Variants in M1AP observed in about 807,000 individuals in gnomAD.
M1AP encodes meiosis 1 associated protein, also known as meiosis 1 arrest protein.
In M1AP, 39 loss-of-function variants were observed where a neutral mutation model predicts 51.2. The observed-to-expected ratio is 0.76, with a 90% CI of 0.59 to 1.00. The LOEUF (loss-of-function observed/expected upper bound fraction) is 1.00. Among genes scored for constraint, M1AP ranks in the 50% least tolerant of loss-of-function variants. The pLI is 0.00. For synonymous variants in M1AP, 251 were observed against 249.2 expected (o/e 1.01, Z -0.07); for missense variants, 545 against 641.2 (o/e 0.85, Z 1.62).
At chr2:74,628,383 G>A (rs1395277359) in intron 2 of M1AP, 9 of 379,488 alleles carry the variant, frequency 2.4e-5, no homozygotes, top group Non-Finnish European at 3.7e-5. Flanking sequence ...AAGATACGAG[G>A]TAGCCATGTT....
intron 8 of M1AP, among the ~76,000 whole-genome samples, chr2:74,561,232 AAGGAGGAGGAGG>A (rs374729127): frequency 1.8e-4 from 6 of 34,230 alleles, no homozygotes; most frequent in Admixed American, 3.3e-4. Flanking sequence ...GGAGGAGGAG[AAGGAGGAGGAGG>A]AGGAGGAGGA....
At chr2:74,646,626 C>T (rs1683628775) in intron 1 of M1AP, among the ~76,000 whole-genome samples, 2 of 152,064 alleles carry the variant, frequency 1.3e-5, no homozygotes, top group Non-Finnish European at 2.9e-5. Flanking sequence ...CCAAGACACA[C>T]AAAAAATGTT....
chr2:74,587,574 A>G (rs1409289717), intron 4 of M1AP, among the ~76,000 whole-genome samples: 1 of 152,184 alleles, frequency 6.6e-6, no homozygotes, highest in East Asian at 1.9e-4. Flanking sequence ...TTGAACACCA[A>G]CAACTAGTAT....
At position 74,640,041 on chromosome 2, in the gene M1AP, A is replaced by G; in HGVS notation, c.235T>C (p.Phe79Leu). The G allele has an allele frequency of 6.2e-7, 1 of 1,613,794 alleles. No individual in the cohort carries two copies. ...VQDQHECILP[F>L]VQVKGNFARL... is the part of the protein sequence containing the mutation. ...ATAAATATAGATATACTTACCACAAAAGGGAGGATGCACTCATGCTGATCT... is the reference window on the plus strand; with the variant it reads ...ATAAATATAGATATACTTACCACAAGAGGGAGGATGCACTCATGCTGATCT... The change falls in exon 2 of 11, where the codon TTT becomes CTT. Residue 79 changes from phenylalanine (F) to leucine (L), a missense_variant. Coordinates refer to ENST00000421985, the MANE Select transcript of M1AP (RefSeq NM_001321739.2).
At chr2:74,587,654 T>C (rs192143770) in intron 4 of M1AP, among the ~76,000 whole-genome samples, 3 of 152,232 alleles carry the variant, frequency 2.0e-5, no homozygotes, top group East Asian at 3.9e-4. Context: ...TTCTCAGACG[T>C]TGAAAAACAG....
intron 3 of M1AP, among the ~76,000 whole-genome samples, chr2:74,614,448 T>C (rs1243472459): frequency 6.6e-6 from 1 of 152,226 alleles, no homozygotes. Context: ...AACTCACACT[T>C]ACTCATGTAC....
In M1AP at chr2:74,607,071, C is replaced by G. The variant is rs774539753; in HGVS notation, c.579G>C (p.Glu193Asp). 2 of 1,613,728 alleles carry G rather than the reference C, an allele frequency of 1.2e-6. No homozygotes were observed. The highest frequency in any genetic ancestry group is 2.2e-5 in the South Asian group (2 of 91,036). Residue 193 changes from glutamate to aspartate, a missense_variant, in exon 4 of 11, where the codon GAG becomes GAC. By Grantham distance (45) the Glu-to-Asp change is conservative (BLOSUM62 2). Transcript: ENST00000421985. Reference sequence around the variant, plus strand: ...AATTCTTACCATCATTGCTGGTATCCTCAACAGGAGACGCTGAGTCCACGT... The same window carrying G: ...AATTCTTACCATCATTGCTGGTATCGTCAACAGGAGACGCTGAGTCCACGT... Reference protein sequence around the residue: ...LEHVDSASPVEDTSNDESSIL... With the variant: ...LEHVDSASPVDDTSNDESSIL...
rs1410834725 is a variant in M1AP at position 74,640,065 on chromosome 2, C to T, written c.211G>A (p.Asp71Asn). ...AAAGGGAGGATGCACTCATGCTGAT[C>T]TTGTACCATGTATAAACTGAACAGG... ...MSLFSLYMVQ[D>N]QHECILPFVQ... Residue 71 changes from aspartate to asparagine, a missense_variant, in exon 2 of 11, where the codon GAT (aspartate) becomes AAT (asparagine). Physicochemically the swap from Asp to Asn is conservative, Grantham distance 23. Transcript: ENST00000421985. 1 of 1,614,178 alleles carries T rather than the reference C, an allele frequency of 6.2e-7. No individual in the cohort carries two copies. The highest frequency in any genetic ancestry group is 1.1e-5 in the South Asian group (1 of 91,088).
intron 4 of M1AP, among the ~76,000 whole-genome samples, chr2:74,603,348 A>G (rs1353038570): frequency 6.6e-6 from 1 of 152,246 alleles, no homozygotes; most frequent in Non-Finnish European, 1.5e-5. Flanking sequence ...GAGGGAAAAG[A>G]TATCAAGTAG....
intron 7 of M1AP, among the ~76,000 whole-genome samples, chr2:74,566,822 T>TA (rs1274827883): frequency 6.6e-6 from 1 of 152,210 alleles, no homozygotes; most frequent in Non-Finnish European, 1.5e-5. Context: ...CCTGTGTACT[T>TA]AGACTCCTGC....
chr2:74,619,477 A>G (rs538995063), intron 2 of M1AP: 1 of 152,848 alleles, frequency 6.5e-6, no homozygotes, highest in South Asian at 2.1e-4. Flanking sequence ...GCTCTAAAAG[A>G]CTTAAGATCA....
chr2:74,581,694 G>T lies in M1AP; in HGVS notation c.749C>A (p.Ser250Tyr). The T allele has an allele frequency of 6.2e-7, 1 of 1,613,876 alleles. No individual in the cohort carries two copies. The highest frequency in any genetic ancestry group is 2.2e-5 in the East Asian group (1 of 44,872). The part of the protein sequence containing the change: ...LLSSQCFSNI[S>Y]RPRDNPMCLK... ...TGTACTTGGATTATCTCTGGGTCTG[G>T]AAATGTTGCTGAAACACTGTGAAGA... The change falls in exon 5 of 11, where the codon TCC becomes TAC. Residue 250 changes from serine to tyrosine, a missense_variant. Transcript: ENST00000421985.
At chr2:74,611,706 C>A (rs1002130522) in intron 3 of M1AP, among the ~76,000 whole-genome samples, 2 of 151,324 alleles carry the variant, frequency 1.3e-5, no homozygotes, top group African/African-American at 4.9e-5. Context: ...GTGGCGCATG[C>A]CTGTAATCCC....
At chr2:74,648,130 G>A (rs1683713794) in intron 1 of M1AP, 135 bp downstream of exon 1, 3 of 977,246 alleles carry the variant, frequency 3.1e-6, no homozygotes, top group Non-Finnish European at 3.6e-6. Context: ...GTCTTGCGCC[G>A]GCACCCGCCA....
chr2:74,632,562 C>T (rs1422689760), intron 2 of M1AP, among the ~76,000 whole-genome samples: 2 of 152,130 alleles, frequency 1.3e-5, no homozygotes, highest in African/African-American at 4.8e-5. Flanking sequence ...TTGCTAGAGC[C>T]TTTTGTTTGG....
intron 2 of M1AP, among the ~76,000 whole-genome samples, chr2:74,621,425 C>T (rs1184123688): frequency 2.0e-5 from 3 of 152,108 alleles, no homozygotes; most frequent in Non-Finnish European, 2.9e-5. Flanking sequence ...TTATCTGAGA[C>T]GTGGCTACTC....
Position 74,640,139 on chromosome 2 carries a change from T to G in M1AP, c.137A>C (p.Gln46Pro). ...GCTGCAGGCTAGAGAGAAGAAGTTCTGCAGAGCCTCACAGAGGTTGGTGCA... is the reference window on the plus strand; with the variant it reads ...GCTGCAGGCTAGAGAGAAGAAGTTCGGCAGAGCCTCACAGAGGTTGGTGCA... The part of the protein sequence containing the change: ...DICTNLCEAL[Q>P]NFFSLACSLM... Residue 46 changes from glutamine (Q) to proline (P), a missense_variant, in exon 2 of 11, where the codon CAG (glutamine) becomes CCG (proline). By Grantham distance (76) the Gln-to-Pro change is moderately conservative. Coordinates refer to ENST00000421985, the MANE Select transcript of M1AP (RefSeq NM_001321739.2). The G allele has an allele frequency of 6.2e-7, 1 of 1,614,196 alleles. No individual in the cohort carries two copies. Among genetic ancestry groups the G allele is most frequent in the Non-Finnish European group, 8.5e-7 (1 of 1,180,032 alleles).
chr2:74,558,362 T>A lies in M1AP; in HGVS notation c.*354A>T, dbSNP rs1047264831. The A allele has an allele frequency of 4.6e-6, 1 of 216,132 alleles. No individual in the cohort carries two copies. The highest frequency in any genetic ancestry group is 2.4e-5 in the African/African-American group (1 of 42,348). The allele number at this position is 216,132 out of a possible 1,614,324, so 13.4% of individuals were successfully genotyped here. On this transcript the variant is annotated 3_prime_UTR_variant, in exon 11 of 11. Coordinates refer to ENST00000421985, the MANE Select transcript of M1AP (RefSeq NM_001321739.2). The stretch of plus-strand genomic sequence containing the variant: ...CTGAGGTCCAGTTTACCAAAGGTGA[T>A]CTGACCTCATCCACCTGCTTACACA...
intron 4 of M1AP, among the ~76,000 whole-genome samples, chr2:74,584,465 A>AG (rs2104601876): frequency 6.7e-6 from 1 of 148,550 alleles, no homozygotes; most frequent in East Asian, 1.9e-4. Flanking sequence ...AAAAAAAAAA[A>AG]GAAAAAGAAA....
Sources: allele counts gnomAD v4.1 joint callset (sites outside exome capture counted in the v4.1 genomes callset), GRCh38; gene constraint gnomAD v4.1.1; transcripts MANE v1.5; gene names NCBI Gene and HGNC (gene_info 2026-07-23, HGNC 2026-07-21).